SBF2: variants seen among roughly 807,000 people sequenced by gnomAD.
SBF2 encodes the protein myotubularin-related protein 13.
A neutral mutation model predicts 225.2 loss-of-function variants in SBF2; 112 were observed. The ratio of observed to expected loss-of-function variants is 0.50; its 90% CI spans 0.43 to 0.58. The LOEUF is 0.58. Ranked by LOEUF, SBF2 falls within the 20% of genes least tolerant of loss-of-function variation. The pLI, the probability that SBF2 is intolerant of heterozygous loss-of-function variation, is 0.00. For missense variants in SBF2, 1,996 were observed against 2,206.2 expected (o/e 0.90, Z 1.91); for synonymous variants, 763 against 773.3 (o/e 0.99, Z 0.22).
intron 2 of SBF2, among the ~76,000 whole-genome samples, chr11:10,137,734 C>T (rs1395826131): frequency 6.6e-6 from 1 of 152,106 alleles, no homozygotes; most frequent in Non-Finnish European, 1.5e-5. Context: ...AGGCCGGGCG[C>T]GGTGGTTCAC....
intron 17 of SBF2, among the ~76,000 whole-genome samples, chr11:9,895,391 G>T (rs187367857): frequency 1.4e-4 from 21 of 152,220 alleles, no homozygotes; most frequent in African/African-American, 4.6e-4. Context: ...AAATTTGCTG[G>T]TTTTTTCTGC....
chr11:10,210,174 G>A (rs879413734), intron 1 of SBF2, among the ~76,000 whole-genome samples: 1 of 152,060 alleles, frequency 6.6e-6, no homozygotes, highest in Non-Finnish European at 1.5e-5. Flanking sequence ...TGAGTGTGGT[G>A]TTGCACACCT....
At chr11:10,243,670 G>A (rs1959465102) in intron 1 of SBF2, among the ~76,000 whole-genome samples, 1 of 152,052 alleles carries the variant, frequency 6.6e-6, no homozygotes, top group Admixed American at 6.5e-5. Flanking sequence ...AGACGATTGT[G>A]TACAATTATA....
chr11:10,015,595 A>C (rs1565135145), intron 6 of SBF2, among the ~76,000 whole-genome samples: 1 of 152,196 alleles, frequency 6.6e-6, no homozygotes, highest in Admixed American at 6.5e-5. Context: ...GAGCTTCCTA[A>C]AGGGACTGAC....
chr11:10,085,509 A>G (rs1951530858), intron 2 of SBF2, among the ~76,000 whole-genome samples: 1 of 152,088 alleles, frequency 6.6e-6, no homozygotes, highest in African/African-American at 2.4e-5. Flanking sequence ...TTCTCTTCAT[A>G]CATACATTTC....
chr11:10,265,644 T>C (rs1388308956), intron 1 of SBF2, among the ~76,000 whole-genome samples: 1 of 152,110 alleles, frequency 6.6e-6, no homozygotes, highest in African/African-American at 2.4e-5. Flanking sequence ...CTAAATATTA[T>C]GGACTTATGT....
chr11:10,292,392 A>G (rs1344804903), intron 1 of SBF2, among the ~76,000 whole-genome samples: 2 of 152,096 alleles, frequency 1.3e-5, no homozygotes, highest in African/African-American at 4.8e-5. Context: ...TATTGTTTCA[A>G]CATTGTTGGC....
intron 2 of SBF2, among the ~76,000 whole-genome samples, chr11:10,098,317 T>C (rs1952118924): frequency 6.6e-6 from 1 of 151,734 alleles, no homozygotes; most frequent in Non-Finnish European, 1.5e-5. Context: ...AGGGAAGAAG[T>C]AGAGTAGTTA....
At chr11:10,043,541 G>C (rs920502962) in intron 2 of SBF2, among the ~76,000 whole-genome samples, 1 of 151,972 alleles carries the variant, frequency 6.6e-6, no homozygotes, top group Non-Finnish European at 1.5e-5. Flanking sequence ...CAGGCAGATA[G>C]CTGGAAAATC....
intron 28 of SBF2, among the ~76,000 whole-genome samples, chr11:9,821,781 T>C (rs1854771133): frequency 6.6e-6 from 1 of 152,224 alleles, no homozygotes; most frequent in African/African-American, 2.4e-5. Context: ...TTTTAGTGTA[T>C]ACATTATACA....
At chr11:9,841,302 G>A (rs375996516) in intron 25 of SBF2, among the ~76,000 whole-genome samples, 1 of 152,070 alleles carries the variant, frequency 6.6e-6, no homozygotes, top group Non-Finnish European at 1.5e-5. Flanking sequence ...AGAATAATAG[G>A]TTTTGTTCCA....
chr11:10,058,349 A>C (rs541698164), intron 2 of SBF2, among the ~76,000 whole-genome samples: 1 of 152,228 alleles, frequency 6.6e-6, no homozygotes, highest in Non-Finnish European at 1.5e-5. Flanking sequence ...GAAAAACACA[A>C]TATAAGAATT....
chr11:9,859,317 T>C (rs943499490), intron 17 of SBF2, among the ~76,000 whole-genome samples: 11 of 152,334 alleles, frequency 7.2e-5, no homozygotes, highest in African/African-American at 2.6e-4. Context: ...AGTAATATTC[T>C]ACCTTGGAAC....
chr11:9,955,735 A>T (rs191810075), intron 16 of SBF2, among the ~76,000 whole-genome samples: 1 of 152,128 alleles, frequency 6.6e-6, no homozygotes, highest in African/African-American at 2.4e-5. Context: ...AAGGTTATGA[A>T]GAATGATACA....
intron 1 of SBF2, among the ~76,000 whole-genome samples, chr11:10,238,973 C>G (rs978356770): frequency 2.0e-5 from 3 of 150,764 alleles, no homozygotes; most frequent in Admixed American, 2.0e-4. Flanking sequence ...GTAACTCTTG[C>G]AGCAACTGAT....
intron 1 of SBF2, among the ~76,000 whole-genome samples, chr11:10,269,343 G>A (rs1358994884): frequency 6.6e-6 from 1 of 152,182 alleles, no homozygotes; most frequent in Non-Finnish European, 1.5e-5. Context: ...AGGCGTGCCA[G>A]TTTGTTCCAA....
intron 22 of SBF2, among the ~76,000 whole-genome samples, chr11:9,848,049 G>A (rs1241052321): frequency 6.6e-6 from 1 of 151,632 alleles, no homozygotes; most frequent in African/African-American, 2.4e-5. Flanking sequence ...AACATAACAG[G>A]AGTGGCAATG....
chr11:10,270,342 G>A (rs944758282), intron 1 of SBF2, among the ~76,000 whole-genome samples: 2 of 152,048 alleles, frequency 1.3e-5, no homozygotes, highest in African/African-American at 4.8e-5. Context: ...TATTGTTAAT[G>A]TTTATATGTA....
chr11:10,196,505 A>G (rs987957151), intron 1 of SBF2, among the ~76,000 whole-genome samples: 3 of 152,034 alleles, frequency 2.0e-5, no homozygotes, highest in South Asian at 4.2e-4. Flanking sequence ...TCAGCCTCCA[A>G]GTAGCTGGGA....
Sources: allele counts gnomAD v4.1 joint callset (sites outside exome capture counted in the v4.1 genomes callset), GRCh38; gene constraint gnomAD v4.1.1; transcripts MANE v1.5; gene names NCBI Gene and HGNC (gene_info 2026-07-23, HGNC 2026-07-21).